Variants in GRIN3A observed in about 807,000 individuals in gnomAD.
GRIN3A encodes the protein glutamate receptor ionotropic, NMDA 3A.
A neutral mutation model predicts 92.4 loss-of-function variants in GRIN3A; 47 were observed. The ratio of observed to expected loss-of-function variants is 0.51; its 90% CI spans 0.40 to 0.65. GRIN3A has a LOEUF of 0.65. Ranked by LOEUF, GRIN3A falls within the 30% of genes least tolerant of loss-of-function variation. The probability of loss-of-function intolerance (pLI) is 0.00; values close to 1 mark genes in which losing one functional copy is unlikely to be tolerated. For synonymous variants in GRIN3A, 527 were observed against 540.6 expected, an observed-to-expected ratio of 0.97 and a Z score of 0.35; for missense variants, 1,324 against 1,393.1, an observed-to-expected ratio of 0.95 and a Z score of 0.79.
At chr9:101,644,472 A>C (rs970290633) in intron 3 of GRIN3A, among the ~76,000 whole-genome samples, 4 of 151,618 alleles carry the variant, frequency 2.6e-5, no homozygotes, top group African/African-American at 4.8e-5. Flanking sequence ...AAAAAAAAAA[A>C]AAAAAACACA....
chr9:101,708,990 G>GT (rs1359292923), intron 1 of GRIN3A, among the ~76,000 whole-genome samples: 1 of 152,170 alleles, frequency 6.6e-6, no homozygotes, highest in Non-Finnish European at 1.5e-5. Context: ...CTAAATGATA[G>GT]TAACACACAG....
intron 1 of GRIN3A, among the ~76,000 whole-genome samples, chr9:101,725,227 G>A (rs1348136061): frequency 6.6e-6 from 1 of 152,130 alleles, no homozygotes; most frequent in Non-Finnish European, 1.5e-5. Context: ...GAAGCTCAGG[G>A]CATTATATTT....
chr9:101,697,849 T>C (rs953258128), intron 1 of GRIN3A, among the ~76,000 whole-genome samples: 1 of 152,180 alleles, frequency 6.6e-6, no homozygotes, highest in Non-Finnish European at 1.5e-5. Flanking sequence ...AGATCATCCA[T>C]CTTCAATATA....
chr9:101,727,680 T>A lies in GRIN3A; in HGVS notation c.699+9601A>T, dbSNP rs573547488. Among the ~76,000 whole-genome samples, 323 of 152,010 alleles carry A rather than the reference T, an allele frequency of 2.1e-3. 2 individuals are homozygous for A. Among genetic ancestry groups the A allele is most frequent in the African/African-American group, 7.1e-3 (293 of 41,438 alleles). On this transcript the variant is annotated intron_variant, in intron 1 of 8. Transcript: ENST00000361820. The stretch of plus-strand genomic sequence containing the variant: ...AGCAGAAGTTGATGAAACTTCTTAG[T>A]AGAAGGCAGAAGAAGATCTTTTTGG...
intron 3 of GRIN3A, among the ~76,000 whole-genome samples, chr9:101,661,350 A>T (rs1829169084): frequency 1.3e-5 from 2 of 151,872 alleles, no homozygotes; most frequent in Non-Finnish European, 2.9e-5. Context: ...ATATTTCCTT[A>T]ATTATACTGC....
chr9:101,662,513 C>G (rs1259358718), intron 3 of GRIN3A, among the ~76,000 whole-genome samples: 2 of 151,530 alleles, frequency 1.3e-5, no homozygotes, highest in African/African-American at 4.8e-5. Flanking sequence ...TGAATATTAG[C>G]TTTTCTTTTA....
At chr9:101,733,494 C>T (rs995872616) in intron 1 of GRIN3A, among the ~76,000 whole-genome samples, 1 of 152,206 alleles carries the variant, frequency 6.6e-6, no homozygotes, top group African/African-American at 2.4e-5. Flanking sequence ...ATGCGACTAT[C>T]AGCTATTCAT....
chr9:101,606,426 C>CCCCT (rs1828282330), intron 6 of GRIN3A, among the ~76,000 whole-genome samples: 1 of 152,036 alleles, frequency 6.6e-6, no homozygotes, highest in Non-Finnish European at 1.5e-5. Context: ...GATGGCTGTA[C>CCCCT]CCCTGGTCAA....
chr9:101,727,373 T>C lies in GRIN3A; in HGVS notation c.699+9908A>G, dbSNP rs183302329. Among the ~76,000 whole-genome samples, 341 of 152,312 alleles carry C rather than the reference T, an allele frequency of 2.2e-3. 1 individual carries two copies. The highest frequency in any genetic ancestry group is 7.7e-3 in the African/African-American group (321 of 41,564). On this transcript the variant is annotated intron_variant, in intron 1 of 8. Coordinates refer to ENST00000361820, the MANE Select transcript of GRIN3A (RefSeq NM_133445.3). ...TGTATTTATAGGTGATTTGGATTCT[T>C]TGGCATTTTATTAAATCTTAGAATT...
chr9:101,666,017 A>G (rs1269220817), intron 3 of GRIN3A, among the ~76,000 whole-genome samples: 1 of 151,974 alleles, frequency 6.6e-6, no homozygotes, highest in East Asian at 1.9e-4. Flanking sequence ...TCAGAAAATT[A>G]GAATTCAAAG....
At chr9:101,697,813 A>G (rs1829702319) in intron 1 of GRIN3A, among the ~76,000 whole-genome samples, 1 of 152,212 alleles carries the variant, frequency 6.6e-6, no homozygotes, top group Admixed American at 6.5e-5. Context: ...TCTTTCTATT[A>G]TAAAGGTTAA....
At chr9:101,593,055 T>C (rs1194486933) in intron 6 of GRIN3A, 1 of 152,254 alleles carries the variant, frequency 6.6e-6, no homozygotes, top group Non-Finnish European at 1.5e-5. Context: ...CTCACAATAG[T>C]ATGTGGGACA....
At chr9:101,700,528 C>A (rs1380299073) in intron 1 of GRIN3A, among the ~76,000 whole-genome samples, 1 of 152,084 alleles carries the variant, frequency 6.6e-6, no homozygotes, top group Non-Finnish European at 1.5e-5. Context: ...ATGATATGTG[C>A]AAACTCAATG....
intron 3 of GRIN3A, among the ~76,000 whole-genome samples, chr9:101,639,716 T>G (rs1828831960): frequency 6.6e-6 from 1 of 152,152 alleles, no homozygotes. Flanking sequence ...TCAGAAGGAT[T>G]AAATATTAAA....
intron 1 of GRIN3A, among the ~76,000 whole-genome samples, chr9:101,710,361 C>A (rs1829863486): frequency 6.6e-6 from 1 of 152,158 alleles, no homozygotes; most frequent in South Asian, 2.1e-4. Context: ...CATAAAAATT[C>A]ACTTGTTGTA....
intron 2 of GRIN3A, among the ~76,000 whole-genome samples, chr9:101,675,832 G>C (rs1829388464): frequency 6.6e-6 from 1 of 151,892 alleles, no homozygotes; most frequent in South Asian, 2.1e-4. Context: ...TCTGTGAAAT[G>C]TTAACTGCAG....
chr9:101,615,020 A>C (rs1167569829), intron 5 of GRIN3A, among the ~76,000 whole-genome samples: 5 of 152,120 alleles, frequency 3.3e-5, no homozygotes, highest in African/African-American at 9.7e-5. Context: ...AGGGAGGAAC[A>C]TAAAAATGGA....
chr9:101,728,708 A>G (rs1263104725), intron 1 of GRIN3A, among the ~76,000 whole-genome samples: 5 of 152,234 alleles, frequency 3.3e-5, no homozygotes, highest in Admixed American at 1.3e-4. Flanking sequence ...AATAAAAAGC[A>G]TTAAATGCGA....
intron 3 of GRIN3A, among the ~76,000 whole-genome samples, chr9:101,642,401 A>C (rs569677020): frequency 3.5e-4 from 54 of 152,340 alleles, no homozygotes; most frequent in African/African-American, 1.2e-3. Context: ...GGAAAAGATC[A>C]TTGACATTGG....
Sources: gnomAD v4.1 joint callset for allele counts (sites outside exome capture counted in the v4.1 genomes callset) on GRCh38, gnomAD v4.1.1 for gene constraint, MANE v1.5 for transcripts, NCBI Gene and HGNC (gene_info 2026-07-23, HGNC 2026-07-21) for gene names.